AMBRA1: variants seen among roughly 807,000 people sequenced by gnomAD.
AMBRA1 encodes the protein activating molecule in BECN1-regulated autophagy protein 1.
In AMBRA1, 47 loss-of-function variants were observed where a neutral mutation model predicts 125.4. The ratio of observed to expected loss-of-function variants is 0.37; its 90% CI spans 0.30 to 0.48. AMBRA1 has a LOEUF of 0.48. Ranked by LOEUF, AMBRA1 falls within the 20% of genes least tolerant of loss-of-function variation. AMBRA1 has a pLI of 0.99. For synonymous variants in AMBRA1, 626 were observed against 655.5 expected (o/e 0.95, Z 0.69); for missense variants, 1,331 against 1,693.4 (o/e 0.79, Z 3.76).
At chr11:46,477,118 A>T (rs2136904387) in intron 11 of AMBRA1, among the ~76,000 whole-genome samples, 1 of 151,584 alleles carries the variant, frequency 6.6e-6, no homozygotes, top group African/African-American at 2.4e-5. Context: ...AAAAAAAAAA[A>T]TCTGCTTAAA....
At chr11:46,481,302 T>A (rs758673067) in intron 11 of AMBRA1, among the ~76,000 whole-genome samples, 15 of 152,178 alleles carry the variant, frequency 9.9e-5, no homozygotes, top group Non-Finnish European at 1.9e-4. Context: ...TACAGGGCCC[T>A]CTTTCTAGGG....
chr11:46,459,005 T>C (rs1031452110), intron 11 of AMBRA1, among the ~76,000 whole-genome samples: 4 of 152,182 alleles, frequency 2.6e-5, no homozygotes, highest in African/African-American at 9.7e-5. Context: ...AAAGCAACTA[T>C]ATTTTGCAAA....
intron 16 of AMBRA1, 100 bp downstream of exon 16, chr11:46,410,176 G>T: frequency 9.7e-7 from 1 of 1,033,042 alleles, no homozygotes; most frequent in Non-Finnish European, 1.5e-6. Context: ...GGTTGAGGAG[G>T]GACCCAGAGC....
chr11:46,556,796 T>A (rs1394630342), intron 1 of AMBRA1, among the ~76,000 whole-genome samples: 3 of 152,186 alleles, frequency 2.0e-5, no homozygotes, highest in Non-Finnish European at 4.4e-5. Context: ...TGAAAAATGC[T>A]TATAGTAGAA....
At position 46,497,288 on chromosome 11, in the gene AMBRA1, T is replaced by C. The variant is rs186031501; in HGVS notation, c.2340-3084A>G. 3.2e-3 allele frequency among the ~76,000 whole-genome samples: 487 copies of C among 152,096 alleles called. 2 individuals are homozygous for C. Among genetic ancestry groups the C allele is most frequent in the African/African-American group, 0.012 (478 of 41,486 alleles). Reference sequence around the variant, plus strand: ...AGTGTTTAGAGATTAGTGGGGGATATATAAAGGAAAACAAGAATGAGATCA... The same window carrying C: ...AGTGTTTAGAGATTAGTGGGGGATACATAAAGGAAAACAAGAATGAGATCA... On this transcript the variant is annotated intron_variant, in intron 9 of 17. Transcript: ENST00000683756.
At chr11:46,452,083 T>C (rs1206853361) in intron 11 of AMBRA1, among the ~76,000 whole-genome samples, 1 of 151,914 alleles carries the variant, frequency 6.6e-6, no homozygotes, top group African/African-American at 2.4e-5. Context: ...ATGTATACTT[T>C]AAATAGGTGG....
intron 7 of AMBRA1, among the ~76,000 whole-genome samples, chr11:46,530,819 T>C (rs887934576): frequency 6.6e-6 from 1 of 152,192 alleles, no homozygotes; most frequent in Non-Finnish European, 1.5e-5. Flanking sequence ...CTCGTGAAAA[T>C]TATATGAAAA....
intron 17 of AMBRA1, among the ~76,000 whole-genome samples, chr11:46,404,226 T>C (rs1945896471): frequency 6.6e-6 from 1 of 152,156 alleles, no homozygotes; most frequent in African/African-American, 2.4e-5. Flanking sequence ...TTGGTGCCTG[T>C]AGCAGGTGTG....
intron 11 of AMBRA1, among the ~76,000 whole-genome samples, chr11:46,488,537 A>G (rs1400484958): frequency 6.6e-6 from 1 of 152,146 alleles, no homozygotes; most frequent in Non-Finnish European, 1.5e-5. Flanking sequence ...CCCACTCTCA[A>G]TAACTGACAA....
Position 46,397,395 on chromosome 11 carries a change from G to A in AMBRA1, c.*55C>T. The A allele has an allele frequency of 2.1e-6, 3 of 1,454,198 alleles. No homozygotes were observed. The highest frequency in any genetic ancestry group is 2.7e-6 in the Non-Finnish European group (3 of 1,102,456). 90.1% of individuals were successfully genotyped at this position (1,454,198 alleles called of 1,614,324 possible). A position where few individuals can be genotyped will look rare whatever the true frequency, so the allele number is the denominator to read the frequency against. ...ACATGTCCAGTTCCCAGTCAGCTGT[G>A]AGGTCCGGTTTCTGCTTGGCGGTTC... is the stretch of plus-strand genomic sequence containing the variant. On this transcript the variant is annotated 3_prime_UTR_variant, in exon 18 of 18. Transcript: ENST00000683756.
chr11:46,495,726 A>T (rs950077402), intron 9 of AMBRA1, among the ~76,000 whole-genome samples: 1 of 152,254 alleles, frequency 6.6e-6, no homozygotes, highest in Non-Finnish European at 1.5e-5. Context: ...CAAATAAGAC[A>T]GTTTCCAAAT....
At chr11:46,440,697 C>A (rs1033812399) in intron 12 of AMBRA1, among the ~76,000 whole-genome samples, 5 of 152,174 alleles carry the variant, frequency 3.3e-5, no homozygotes, top group African/African-American at 1.2e-4. Flanking sequence ...TAATTTCCAG[C>A]AGAGTTAAAG....
chr11:46,586,532 G>C (rs918315925), intron 1 of AMBRA1, among the ~76,000 whole-genome samples: 2 of 152,102 alleles, frequency 1.3e-5, no homozygotes, highest in Admixed American at 6.5e-5. Flanking sequence ...CAAATATGCT[G>C]TTTTAACTTC....
At chr11:46,486,423 A>G (rs954420954) in intron 11 of AMBRA1, among the ~76,000 whole-genome samples, 15 of 152,200 alleles carry the variant, frequency 9.9e-5, no homozygotes, top group Non-Finnish European at 1.8e-4. Flanking sequence ...TGATTAAGCA[A>G]TTTGTTGTAT....
intron 11 of AMBRA1, among the ~76,000 whole-genome samples, chr11:46,475,832 C>T (rs1169444903): frequency 1.3e-5 from 2 of 152,192 alleles, no homozygotes; most frequent in African/African-American, 4.8e-5. Flanking sequence ...GAACAGGAAA[C>T]TGTGGCATTC....
intron 7 of AMBRA1, among the ~76,000 whole-genome samples, chr11:46,538,222 G>A (rs1591062183): frequency 1.3e-5 from 2 of 152,186 alleles, no homozygotes; most frequent in East Asian, 3.9e-4. Context: ...AGCCCTTATG[G>A]TATACGACAT....
At chr11:46,500,707 T>C (rs1157017309) in intron 9 of AMBRA1, among the ~76,000 whole-genome samples, 1 of 152,146 alleles carries the variant, frequency 6.6e-6, no homozygotes, top group East Asian at 1.9e-4. Context: ...TCTACGCTTT[T>C]GCTTAAGCTA....
At chr11:46,479,833 T>C (rs1565202612) in intron 11 of AMBRA1, among the ~76,000 whole-genome samples, 1 of 152,136 alleles carries the variant, frequency 6.6e-6, no homozygotes. Context: ...GTTATCAGTT[T>C]TCTATAACTG....
intron 7 of AMBRA1, among the ~76,000 whole-genome samples, chr11:46,532,125 A>T (rs746206663): frequency 4.6e-5 from 7 of 152,168 alleles, no homozygotes; most frequent in Admixed American, 6.5e-5. Flanking sequence ...TCTCAGAAAT[A>T]AATTAATTAA....
Sources: allele counts gnomAD v4.1 joint callset (sites outside exome capture counted in the v4.1 genomes callset), GRCh38; gene constraint gnomAD v4.1.1; transcripts MANE v1.5; gene names NCBI Gene and HGNC (gene_info 2026-07-23, HGNC 2026-07-21).